CR1L: variants seen among roughly 807,000 people sequenced by gnomAD.
CR1L encodes complement C3b/C4b receptor 1 like.
Under a neutral mutation model 62.3 loss-of-function variants are expected in CR1L, and 59 were observed. The ratio of observed to expected loss-of-function variants is 0.95; its 90% confidence interval spans 0.77 to 1.18. CR1L has a LOEUF of 1.18. Among genes scored for constraint, CR1L ranks in the 50% most tolerant of loss-of-function variants. The pLI, the probability that CR1L is intolerant of heterozygous loss-of-function variation, is 0.00. For synonymous variants in CR1L, 279 were observed against 248.7 expected (o/e 1.12, Z -1.15); for missense variants, 700 against 702.8 (o/e 1.00, Z 0.04).
At chr1:207,683,829 C>G (rs1385972757) in intron 3 of CR1L, 43 bp from the exon 4 acceptor site, 1 of 1,557,006 alleles carries the variant, frequency 6.4e-7, no homozygotes. Flanking sequence ...GGGTAGTTGA[C>G]CTGTGTATTT....
rs1400704019 is a variant in CR1L, at chr1:207,699,165, A to G, written c.1143-24A>G. On this transcript the variant is annotated intron_variant, in intron 7 of 11. Transcript: ENST00000508064. ...GTCCTCTTGGCTGAAACAGCTCGCT[A>G]TTCACTCCTATTTTCTTCTTTAGAT... The G allele has an allele frequency of 2.5e-6, 4 of 1,613,124 alleles. No homozygotes were observed. The African/African-American group carries it at 5.3e-5, about 22-fold the overall frequency.
At chr1:207,679,152 C>CCT (rs1663754700) in intron 3 of CR1L, among the ~76,000 whole-genome samples, 1 of 113,780 alleles carries the variant, frequency 8.8e-6, no homozygotes, top group African/African-American at 3.4e-5. Context: ...TGCCCACCAC[C>CCT]ATTTTTTTTT....
chr1:207,657,388 C>A, intron 1 of CR1L: 1 of 681,480 alleles, frequency 1.5e-6, no homozygotes, highest in African/African-American at 1.8e-5. Context: ...ATAGTTTTAT[C>A]TACAAATAAA....
intron 10 of CR1L, among the ~76,000 whole-genome samples, chr1:207,714,262 G>A (rs149023429): frequency 1.3e-5 from 2 of 152,300 alleles, no homozygotes; most frequent in African/African-American, 4.8e-5. Flanking sequence ...ATTGGTTGGT[G>A]AGTATGCAAA....
At chr1:207,692,366 G>A (rs1374752812) in intron 4 of CR1L, among the ~76,000 whole-genome samples, 8 of 152,316 alleles carry the variant, frequency 5.3e-5, no homozygotes, top group African/African-American at 1.9e-4. Flanking sequence ...CATGCCAGAA[G>A]CAGGGCTTAG....
intron 1 of CR1L, among the ~76,000 whole-genome samples, chr1:207,656,528 A>G (rs1463510969): frequency 6.6e-6 from 1 of 152,172 alleles, no homozygotes; most frequent in Admixed American, 6.5e-5. Flanking sequence ...TAATTTATAA[A>G]GAAAAGAGGT....
At chr1:207,692,651 C>T (rs537046058) in intron 4 of CR1L, among the ~76,000 whole-genome samples, 15 of 152,130 alleles carry the variant, frequency 9.9e-5, no homozygotes, top group Non-Finnish European at 1.9e-4. Context: ...GATACCTTGG[C>T]TTGTAGATGC....
In CR1L at chr1:207,698,116, A is replaced by G. The variant is rs1447241649; in HGVS notation, c.1142+243A>G. 4.6e-5 allele frequency among the ~76,000 whole-genome samples: 7 copies of G among 152,324 alleles called. No homozygotes were observed. In the East Asian group the frequency reaches 1.3e-3, roughly 29 times the overall value. ...ATATTAACTGGCAAATTCAAAGACA[A>G]GTATAATTACTTGTTATTAATATAT... On this transcript the variant is annotated intron_variant, in intron 7 of 11. Transcript: ENST00000508064.
chr1:207,693,090 A>AT (rs377404882), intron 4 of CR1L, among the ~76,000 whole-genome samples: 100 of 152,160 alleles, frequency 6.6e-4, no homozygotes, highest in African/African-American at 2.3e-3. Flanking sequence ...TTTAAAATAG[A>AT]TTTTTTACAA....
At chr1:207,684,792 T>C (rs1283067918) in intron 4 of CR1L, among the ~76,000 whole-genome samples, 2 of 152,150 alleles carry the variant, frequency 1.3e-5, no homozygotes, top group African/African-American at 2.4e-5. Context: ...TACACCTATG[T>C]AGTGAGGGCC....
chr1:207,709,161 T>C, intron 10 of CR1L: 1 of 194,400 alleles, frequency 5.1e-6, no homozygotes, highest in Non-Finnish European at 1.1e-5. Flanking sequence ...CCCAGCACTT[T>C]GGGAGTCCTA....
At position 207,701,528 on chromosome 1, in the gene CR1L, G is replaced by A. The variant is rs1664191914; in HGVS notation, c.1238G>A (p.Cys413Tyr). Residue 413 changes from cysteine to tyrosine, a missense_variant, in exon 9 of 12, where the codon TGT becomes TAT. Cys to Tyr is a radical substitution (Grantham distance 194). Coordinates refer to ENST00000508064, the MANE Select transcript of CR1L (RefSeq NM_175710.2). ...SSVPVCERKS[C>Y]ETPPVPVNGM... ...ATTTTCTTTCCCACAGGTAAATCAT[G>A]TGAAACTCCTCCAGTTCCAGTGAAT... The A allele has an allele frequency of 1.2e-6, 2 of 1,613,768 alleles. No homozygotes were observed. Among genetic ancestry groups the A allele is most frequent in the Non-Finnish European group, 1.7e-6 (2 of 1,179,712 alleles).
intron 10 of CR1L, among the ~76,000 whole-genome samples, chr1:207,716,839 G>A (rs1397290324): frequency 2.6e-5 from 4 of 152,114 alleles, no homozygotes; most frequent in Non-Finnish European, 5.9e-5. Context: ...TTTTAGGGAA[G>A]GAACTGTTCT....
At chr1:207,709,714 G>C (rs1246588750) in intron 10 of CR1L, among the ~76,000 whole-genome samples, 1 of 151,008 alleles carries the variant, frequency 6.6e-6, no homozygotes, top group Non-Finnish European at 1.5e-5. Context: ...GTGCATGTCT[G>C]TAATCCCAGC....
At chr1:207,672,023 TATTAAACCA>T (rs1202322730) in intron 1 of CR1L, among the ~76,000 whole-genome samples, 1 of 150,788 alleles carries the variant, frequency 6.6e-6, no homozygotes, top group Non-Finnish European at 1.5e-5. Context: ...ACAAGTAACA[TATTAAACCA>T]ACTATATCAA....
intron 10 of CR1L, among the ~76,000 whole-genome samples, chr1:207,709,641 A>G (rs1664321416): frequency 6.6e-6 from 1 of 152,158 alleles, no homozygotes; most frequent in East Asian, 1.9e-4. Flanking sequence ...GTTCAAGACC[A>G]GCCTGGCCAA....
intron 11 of CR1L, among the ~76,000 whole-genome samples, chr1:207,723,301 G>A (rs1558028900): frequency 6.6e-6 from 1 of 151,828 alleles, no homozygotes; most frequent in African/African-American, 2.4e-5. Context: ...GTGGTAGCAC[G>A]TGCCTGTTTT....
At chr1:207,654,982 C>G (rs888048077) in intron 1 of CR1L, among the ~76,000 whole-genome samples, 1 of 152,164 alleles carries the variant, frequency 6.6e-6, no homozygotes, top group Non-Finnish European at 1.5e-5. Flanking sequence ...TGTTTTTGCT[C>G]TCGGCCAATA....
chr1:207,664,940 C>G (rs1366516957), intron 1 of CR1L, among the ~76,000 whole-genome samples: 4 of 152,148 alleles, frequency 2.6e-5, no homozygotes, highest in African/African-American at 4.8e-5. Flanking sequence ...AGTATAATAC[C>G]ACTTAACAGT....
Sources: gnomAD v4.1 joint callset for allele counts (sites outside exome capture counted in the v4.1 genomes callset) on GRCh38, gnomAD v4.1.1 for gene constraint, MANE v1.5 for transcripts, NCBI Gene and HGNC (gene_info 2026-07-23, HGNC 2026-07-21) for gene names.